The following SLC25A21 variants were observed in gnomAD, a reference collection of about 807,000 sequenced individuals.
SLC25A21 encodes the protein solute carrier family 25 member 21.
A neutral mutation model predicts 43.8 loss-of-function variants in SLC25A21; 47 were observed. The observed-to-expected ratio is 1.07, with a 90% CI of 0.85 to 1.37. SLC25A21 has a LOEUF of 1.37. Among genes scored for constraint, SLC25A21 ranks in the 40% most tolerant of loss-of-function variants. The pLI, the probability that SLC25A21 is intolerant of heterozygous loss-of-function variation, is 0.00. For synonymous variants in SLC25A21, 131 were observed against 121.3 expected (o/e 1.08, Z -0.52); for missense variants, 352 against 350.2 (o/e 1.00, Z -0.04).
chr14:37,128,538 C>CTCTCTGTGTGTGTGTG (rs1555348857), intron 1 of SLC25A21, among the ~76,000 whole-genome samples: 3 of 122,706 alleles, frequency 2.4e-5, no homozygotes, highest in African/African-American at 6.3e-5. Flanking sequence ...CTCTCTCTCT[C>CTCTCTGTGTGTGTGTG]TGTGTGTGTG....
intron 3 of SLC25A21, among the ~76,000 whole-genome samples, chr14:36,787,171 G>T (rs1011499879): frequency 3.3e-5 from 5 of 152,190 alleles, no homozygotes; most frequent in Non-Finnish European, 7.3e-5. Context: ...TGCATTAGTT[G>T]GCAAGAGTAG....
chr14:37,062,114 T>G (rs1171247141), intron 1 of SLC25A21, among the ~76,000 whole-genome samples: 1 of 152,240 alleles, frequency 6.6e-6, no homozygotes, highest in Non-Finnish European at 1.5e-5. Context: ...GAAAAGAACC[T>G]GTAAACAGAA....
At chr14:36,695,485 T>G (rs1450792321) in intron 7 of SLC25A21, among the ~76,000 whole-genome samples, 1 of 152,240 alleles carries the variant, frequency 6.6e-6, no homozygotes, top group Non-Finnish European at 1.5e-5. Context: ...GCATTGAATC[T>G]ATAAATTACT....
intron 2 of SLC25A21, among the ~76,000 whole-genome samples, chr14:36,864,672 T>A (rs1890162593): frequency 1.3e-5 from 2 of 152,234 alleles, no homozygotes; most frequent in African/African-American, 4.8e-5. Flanking sequence ...ATGGATTGAT[T>A]TAGCTACATG....
At chr14:36,881,699 T>A (rs1890732465) in intron 1 of SLC25A21, among the ~76,000 whole-genome samples, 1 of 152,168 alleles carries the variant, frequency 6.6e-6, no homozygotes, top group Non-Finnish European at 1.5e-5. Flanking sequence ...TGCCAACTCC[T>A]AATGGAACAC....
intron 1 of SLC25A21, among the ~76,000 whole-genome samples, chr14:36,929,650 T>C (rs969760388): frequency 6.6e-6 from 1 of 151,872 alleles, no homozygotes; most frequent in African/African-American, 2.4e-5. Flanking sequence ...TTCCCAAGAG[T>C]TGAAAAACAT....
chr14:37,061,536 T>C (rs550761659), intron 1 of SLC25A21, among the ~76,000 whole-genome samples: 1 of 152,262 alleles, frequency 6.6e-6, no homozygotes, highest in East Asian at 1.9e-4. Context: ...CTGAGAAATA[T>C]AGTAGAATTG....
intron 1 of SLC25A21, among the ~76,000 whole-genome samples, chr14:37,118,972 G>A (rs1224888651): frequency 6.6e-6 from 1 of 152,094 alleles, no homozygotes; most frequent in African/African-American, 2.4e-5. Context: ...CAAAGATCCT[G>A]CCGATAAAAC....
intron 1 of SLC25A21, among the ~76,000 whole-genome samples, chr14:37,040,086 G>A: frequency 6.6e-6 from 1 of 151,274 alleles, no homozygotes; most frequent in South Asian, 2.1e-4. Flanking sequence ...TGTAATCCCA[G>A]CTACTCGGGA....
intron 3 of SLC25A21, among the ~76,000 whole-genome samples, chr14:36,800,749 T>C (rs1375838067): frequency 6.6e-6 from 1 of 152,124 alleles, no homozygotes; most frequent in Non-Finnish European, 1.5e-5. Context: ...TTATGTATAT[T>C]TTACCCAAGT....
At chr14:36,994,822 C>A (rs1216916160) in intron 1 of SLC25A21, among the ~76,000 whole-genome samples, 1 of 152,144 alleles carries the variant, frequency 6.6e-6, no homozygotes, top group Admixed American at 6.6e-5. Flanking sequence ...GGCATTAAAC[C>A]AATGCAGTCC....
chr14:37,023,758 C>A (rs1961035930), intron 1 of SLC25A21, among the ~76,000 whole-genome samples: 1 of 151,882 alleles, frequency 6.6e-6, no homozygotes, highest in Non-Finnish European at 1.5e-5. Context: ...ATTAACAATT[C>A]TCTCATGTGT....
chr14:36,813,937 T>A lies in SLC25A21; in HGVS notation c.184A>T (p.Met62Leu). Residue 62 changes from methionine to leucine, a missense_variant, in exon 3 of 10, where the codon ATG (methionine) becomes TTG (leucine). Physicochemically the swap from Met to Leu is conservative, Grantham distance 15. Transcript: ENST00000331299. ...SYKSLVDSFR[M>L]IFQMEGLFGF... is the part of the protein sequence containing the mutation. ...ACATACCCTTCCATTTGGAAAATCA[T>A]TCGAAAGCTGTCTACCAAGCTTTTA... 6.2e-7 allele frequency: 1 copy of A among 1,607,916 alleles called. No homozygotes were observed. The highest frequency in any genetic ancestry group is 8.5e-7 in the Non-Finnish European group (1 of 1,177,588).
At chr14:36,923,903 C>T (rs1172521293) in intron 1 of SLC25A21, among the ~76,000 whole-genome samples, 1 of 152,188 alleles carries the variant, frequency 6.6e-6, no homozygotes, top group East Asian at 1.9e-4. Flanking sequence ...GACATTTATG[C>T]AGCCAACAGA....
intron 7 of SLC25A21, among the ~76,000 whole-genome samples, chr14:36,707,939 AC>A (rs1400257406): frequency 6.6e-6 from 1 of 152,192 alleles, no homozygotes; most frequent in Admixed American, 6.5e-5. Context: ...AGCCTGGGCA[AC>A]AAAGGGAGAT....
At chr14:36,931,553 T>C (rs897410673) in intron 1 of SLC25A21, among the ~76,000 whole-genome samples, 3 of 152,184 alleles carry the variant, frequency 2.0e-5, no homozygotes, top group Admixed American at 6.5e-5. Flanking sequence ...CTGCATGCTC[T>C]GAGAAGGACA....
At chr14:36,738,584 C>T (rs7154207) in intron 3 of SLC25A21, among the ~76,000 whole-genome samples, 9,638 of 152,240 alleles carry the variant, frequency 0.063, 1,015 homozygotes, top group African/African-American at 0.22. Context: ...TCCGACATGA[C>T]GGCAAAGGCA....
intron 1 of SLC25A21, among the ~76,000 whole-genome samples, chr14:36,900,983 G>T (rs1045708110): frequency 5.9e-5 from 9 of 152,108 alleles, no homozygotes; most frequent in African/African-American, 2.2e-4. Flanking sequence ...CCACTTTACA[G>T]AAGTGAAATT....
In SLC25A21 at chr14:36,678,578, T is replaced by C; in HGVS notation, c.*2080A>G. 12 of 1,517,638 alleles carry C rather than the reference T, an allele frequency of 7.9e-6. No individual in the cohort carries two copies. Among genetic ancestry groups the C allele is most frequent in the Non-Finnish European group, 9.7e-6 (11 of 1,137,650 alleles). 94.0% of individuals were successfully genotyped at this position (1,517,638 alleles called of 1,614,324 possible). On this transcript the variant is annotated 3_prime_UTR_variant, in exon 10 of 10. Transcript: ENST00000331299. ...TTAAAACCATACCATACAGGGACTC[T>C]CCTGTCATCTGAAAAACTGATGTAA...
Sources: gnomAD v4.1 joint callset for allele counts (sites outside exome capture counted in the v4.1 genomes callset) on GRCh38, gnomAD v4.1.1 for gene constraint, MANE v1.5 for transcripts, NCBI Gene and HGNC (gene_info 2026-07-23, HGNC 2026-07-21) for gene names.